VPS41: variants seen among roughly 807,000 people sequenced by gnomAD.
VPS41 encodes the protein VPS41 subunit of HOPS complex.
A neutral mutation model predicts 130.9 loss-of-function variants in VPS41; 85 were observed. The ratio of observed to expected loss-of-function variants is 0.65; its 90% confidence interval spans 0.55 to 0.78. The LOEUF (loss-of-function observed/expected upper bound fraction) is 0.78. Among genes scored for constraint, VPS41 ranks in the 30% least tolerant of loss-of-function variants. The pLI is 0.00. For synonymous variants in VPS41, 335 were observed against 332.9 expected (o/e 1.01, Z -0.07); for missense variants, 874 against 1,018.7 (o/e 0.86, Z 1.93).
Position 38,796,800 on chromosome 7 carries a change from C to T in VPS41, c.515G>A (p.Gly172Glu), listed in dbSNP as rs745741323. The T allele has an allele frequency of 2.5e-6, 4 of 1,613,884 alleles. No individual in the cohort carries two copies. The highest frequency in any genetic ancestry group is 4.5e-5 in the East Asian group (2 of 44,876). Residue 172 changes from glycine (G) to glutamate (E), a missense_variant, in exon 8 of 29, where the codon GGG (glycine) becomes GAG (glutamate). Coordinates refer to ENST00000310301, the MANE Select transcript of VPS41 (RefSeq NM_014396.4). ...TCTCCACTTCACACTCCTTATGTTCCCTTCCCCTTCATGCAGAACAGCAGA... is the reference window on the plus strand; with the variant it reads ...TCTCCACTTCACACTCCTTATGTTCTCTTCCCCTTCATGCAGAACAGCAGA... ...WKSAVLHEGE[G>E]NIRSVKWRGH... is the part of the protein sequence containing the mutation.
intron 7 of VPS41, among the ~76,000 whole-genome samples, chr7:38,805,888 C>G (rs1331144524): frequency 6.6e-6 from 1 of 152,200 alleles, no homozygotes; most frequent in Non-Finnish European, 1.5e-5. Flanking sequence ...GAAAAGGCTG[C>G]AGGCTGTTCA....
At chr7:38,754,034 T>C (rs2392598) in intron 21 of VPS41, among the ~76,000 whole-genome samples, 100,263 of 152,048 alleles carry the variant, frequency 0.66, 33,992 homozygotes, top group Admixed American at 0.79. Context: ...TTAAAGGACA[T>C]AGAAAACAAC....
At chr7:38,842,419 T>C (rs894179412) in intron 4 of VPS41, among the ~76,000 whole-genome samples, 3 of 152,144 alleles carry the variant, frequency 2.0e-5, no homozygotes, top group Non-Finnish European at 4.4e-5. Flanking sequence ...TTAAAGTAAA[T>C]TCCTTAATAT....
chr7:38,817,160 AGGAAAAAAAAAATC>A (rs974129412), intron 7 of VPS41, among the ~76,000 whole-genome samples: 12 of 152,148 alleles, frequency 7.9e-5, no homozygotes, highest in Admixed American at 2.6e-4. Context: ...ATTTTCTACA[AGGAAAAAAAAAATC>A]GGAAAAAAAA....
At chr7:38,851,037 A>G (rs1048964194) in intron 4 of VPS41, among the ~76,000 whole-genome samples, 2 of 152,164 alleles carry the variant, frequency 1.3e-5, no homozygotes, top group Non-Finnish European at 2.9e-5. Flanking sequence ...ACCTCATAGA[A>G]CTTATTCAAA....
At chr7:38,782,256 TG>T (rs1281503831) in intron 10 of VPS41, among the ~76,000 whole-genome samples, 1 of 152,230 alleles carries the variant, frequency 6.6e-6, no homozygotes, top group Admixed American at 6.5e-5. Flanking sequence ...CTGCAGGTCC[TG>T]GGCCCAGTTC....
chr7:38,898,049 T>C (rs199991290), intron 2 of VPS41, 42 bp downstream of exon 2: 1 of 1,594,070 alleles, frequency 6.3e-7, no homozygotes, highest in Non-Finnish European at 8.6e-7. Context: ...GAGAACAACG[T>C]GGTGAGCTAC....
intron 25 of VPS41, among the ~76,000 whole-genome samples, chr7:38,735,332 T>G (rs1795741908): frequency 6.6e-6 from 1 of 152,316 alleles, no homozygotes; most frequent in East Asian, 1.9e-4. Context: ...AAAGAAGCCA[T>G]TATTTCCTCT....
Position 38,758,510 on chromosome 7 carries a change from A to G in VPS41, c.1423-29T>C, listed in dbSNP as rs751425348. The G allele has an allele frequency of 2.5e-6, 4 of 1,596,562 alleles. No individual in the cohort carries two copies. The South Asian group carries it at 4.6e-5, about 18-fold the overall frequency. On this transcript the variant is annotated intron_variant, in intron 17 of 28. Coordinates refer to ENST00000310301, the MANE Select transcript of VPS41 (RefSeq NM_014396.4). ...ACCAAAGGTGAAAAACAGAAAAAGAACACTCATTCAACAGAATAATAGTTG... is the reference window on the plus strand; with the variant it reads ...ACCAAAGGTGAAAAACAGAAAAAGAGCACTCATTCAACAGAATAATAGTTG...
At chr7:38,745,495 T>C (rs1795968707) in intron 23 of VPS41, 64 bp downstream of exon 23, 1 of 1,324,902 alleles carries the variant, frequency 7.5e-7, no homozygotes, top group African/African-American at 1.5e-5. Context: ...TCTTACACAA[T>C]TTACTTCATG....
intron 4 of VPS41, chr7:38,831,365 T>C (rs1785384166): frequency 2.5e-6 from 1 of 407,710 alleles, no homozygotes; most frequent in Non-Finnish European, 5.0e-6. Context: ...ATAAATCAGA[T>C]CCTCTGCTGC....
chr7:38,850,385 G>T (rs993000647), intron 4 of VPS41, among the ~76,000 whole-genome samples: 25 of 152,108 alleles, frequency 1.6e-4, no homozygotes, highest in African/African-American at 6.0e-4. Context: ...TGAGTTGTTT[G>T]GGTTTTCCTT....
intron 23 of VPS41, among the ~76,000 whole-genome samples, 197 bp downstream of exon 23, chr7:38,745,362 T>C (rs1795966134): frequency 6.6e-6 from 1 of 152,222 alleles, no homozygotes; most frequent in Non-Finnish European, 1.5e-5. Flanking sequence ...GCCAATATGT[T>C]ATTTCAACAT....
At chr7:38,868,536 G>GC (rs902338763) in intron 3 of VPS41, among the ~76,000 whole-genome samples, 1 of 152,108 alleles carries the variant, frequency 6.6e-6, no homozygotes, top group Non-Finnish European at 1.5e-5. Flanking sequence ...GAAGCTCCCT[G>GC]CCCCCCAATA....
chr7:38,906,946 G>C (rs1584457665), intron 1 of VPS41, among the ~76,000 whole-genome samples: 2 of 152,034 alleles, frequency 1.3e-5, no homozygotes, highest in Non-Finnish European at 2.9e-5. Flanking sequence ...TTGTTTATCA[G>C]TAAAAGTCAA....
chr7:38,782,531 A>C lies in VPS41; in HGVS notation c.785-5755T>G, dbSNP rs75485580. On this transcript the variant is annotated intron_variant, in intron 10 of 28. Coordinates refer to ENST00000310301, the MANE Select transcript of VPS41 (RefSeq NM_014396.4). ...CTAGTTGTTCTGCTTTTATGGGAGGACTAGGTAGTTTGAAAAATTATGCTG... is the reference window on the plus strand; with the variant it reads ...CTAGTTGTTCTGCTTTTATGGGAGGCCTAGGTAGTTTGAAAAATTATGCTG... Among the ~76,000 whole-genome samples the C allele has an allele frequency of 2.8e-3, 429 of 152,126 alleles. 2 individuals carry two copies. Among genetic ancestry groups the C allele is most frequent in the African/African-American group, 9.8e-3 (408 of 41,488 alleles).
intron 9 of VPS41, among the ~76,000 whole-genome samples, chr7:38,794,164 T>C (rs1784580152): frequency 6.6e-6 from 1 of 152,146 alleles, no homozygotes; most frequent in Non-Finnish European, 1.5e-5. Flanking sequence ...AGCAACCTGG[T>C]CCATTTAAGG....
chr7:38,758,893 C>A (rs1052851108), intron 17 of VPS41, among the ~76,000 whole-genome samples: 1 of 152,200 alleles, frequency 6.6e-6, no homozygotes, highest in African/African-American at 2.4e-5. Flanking sequence ...GAGCTGAACA[C>A]CTGGAGGTTC....
At chr7:38,887,632 C>T (rs2116402626) in intron 2 of VPS41, among the ~76,000 whole-genome samples, 1 of 152,228 alleles carries the variant, frequency 6.6e-6, no homozygotes, top group Non-Finnish European at 1.5e-5. Context: ...AGAACTTCCC[C>T]AACCTAGCAA....
Sources: gnomAD v4.1 joint callset for allele counts (sites outside exome capture counted in the v4.1 genomes callset) on GRCh38, gnomAD v4.1.1 for gene constraint, MANE v1.5 for transcripts, NCBI Gene and HGNC (gene_info 2026-07-23, HGNC 2026-07-21) for gene names.